Variants in GPC5 observed in about 807,000 individuals in gnomAD.
GPC5 encodes the protein glypican-5.
GPC5 carries 47 observed loss-of-function variants against 53.9 expected under a neutral mutation model. The ratio of observed to expected loss-of-function variants is 0.87; its 90% confidence interval spans 0.69 to 1.11. The LOEUF (loss-of-function observed/expected upper bound fraction) is 1.11. GPC5 is among the 50% of genes most tolerant of loss of function. The pLI is 0.00. For synonymous variants in GPC5, 286 were observed against 263.3 expected (o/e 1.09, Z -0.84); for missense variants, 748 against 713.1 (o/e 1.05, Z -0.56).
intron 2 of GPC5, among the ~76,000 whole-genome samples, chr13:91,500,527 A>G (rs1190644042): frequency 6.6e-6 from 1 of 152,206 alleles, no homozygotes; most frequent in Non-Finnish European, 1.5e-5. Flanking sequence ...TCATTTGGCC[A>G]TGCATACACT....
chr13:91,821,303 T>C (rs530970899), intron 5 of GPC5, among the ~76,000 whole-genome samples: 1 of 152,352 alleles, frequency 6.6e-6, no homozygotes, highest in South Asian at 2.1e-4. Context: ...TGCAATTTAA[T>C]ACATATGTCA....
chr13:92,704,896 T>TATA (rs5805757), intron 7 of GPC5, among the ~76,000 whole-genome samples: 352 of 151,020 alleles, frequency 2.3e-3, no homozygotes, highest in African/African-American at 8.2e-3. Flanking sequence ...TGTATATATA[T>TATA]GAGTATATAT....
intron 7 of GPC5, among the ~76,000 whole-genome samples, chr13:92,480,449 A>G (rs1186865792): frequency 2.6e-5 from 4 of 152,196 alleles, no homozygotes; most frequent in African/African-American, 9.6e-5. Context: ...TGTGGCTCCA[A>G]GAAAAAGAAA....
intron 7 of GPC5, among the ~76,000 whole-genome samples, chr13:92,469,086 G>T (rs1878809467): frequency 6.6e-6 from 1 of 152,074 alleles, no homozygotes; most frequent in South Asian, 2.1e-4. Flanking sequence ...GGGTGCATAG[G>T]ACAGGTCAAG....
intron 6 of GPC5, among the ~76,000 whole-genome samples, chr13:92,093,357 T>C (rs1474695111): frequency 6.6e-6 from 1 of 152,170 alleles, no homozygotes; most frequent in Non-Finnish European, 1.5e-5. Flanking sequence ...AAGACAAATA[T>C]ACATTAAACA....
chr13:92,359,126 A>T (rs1030097788), intron 7 of GPC5, among the ~76,000 whole-genome samples: 1 of 151,794 alleles, frequency 6.6e-6, no homozygotes, highest in Non-Finnish European at 1.5e-5. Context: ...TGCTGTTAGA[A>T]GGAGCCAGAC....
intron 2 of GPC5, among the ~76,000 whole-genome samples, chr13:91,493,821 C>T (rs1884074979): frequency 6.6e-6 from 1 of 152,028 alleles, no homozygotes; most frequent in Non-Finnish European, 1.5e-5. Flanking sequence ...GGAGAATCTG[C>T]AAACGATTCT....
intron 7 of GPC5, among the ~76,000 whole-genome samples, chr13:92,735,986 T>C (rs1386095178): frequency 6.6e-6 from 1 of 151,984 alleles, no homozygotes; most frequent in Non-Finnish European, 1.5e-5. Flanking sequence ...ATACTCAATC[T>C]TCCCCACCAC....
At chr13:91,597,900 T>C (rs1033047661) in intron 2 of GPC5, among the ~76,000 whole-genome samples, 4 of 138,492 alleles carry the variant, frequency 2.9e-5, no homozygotes, top group Admixed American at 1.6e-4. Context: ...TTTTCAAGCA[T>C]GGAATGTTTT....
At chr13:91,873,619 T>A (rs891527913) in intron 5 of GPC5, among the ~76,000 whole-genome samples, 11 of 152,276 alleles carry the variant, frequency 7.2e-5, no homozygotes, top group Middle Eastern at 6.8e-3. Context: ...TCCCCAGCCA[T>A]GTGGAACTGT....
At chr13:92,683,870 A>C (rs1887176897) in intron 7 of GPC5, among the ~76,000 whole-genome samples, 1 of 152,168 alleles carries the variant, frequency 6.6e-6, no homozygotes, top group Admixed American at 6.5e-5. Context: ...TAACATTAGT[A>C]TGTTACATTT....
At chr13:92,026,226 A>T (rs1236693237) in intron 6 of GPC5, among the ~76,000 whole-genome samples, 1 of 152,092 alleles carries the variant, frequency 6.6e-6, no homozygotes, top group Non-Finnish European at 1.5e-5. Context: ...TATTTTATTC[A>T]TAACATATGC....
At chr13:91,497,580 C>T (rs12862240) in intron 2 of GPC5, among the ~76,000 whole-genome samples, 2,127 of 152,196 alleles carry the variant, frequency 0.014, 39 homozygotes, top group African/African-American at 0.047. Flanking sequence ...ACAAATTAGT[C>T]TATAGAAATT....
chr13:92,564,006 G>A (rs992970150), intron 7 of GPC5, among the ~76,000 whole-genome samples: 1 of 151,790 alleles, frequency 6.6e-6, no homozygotes, highest in Non-Finnish European at 1.5e-5. Context: ...TTTAGAAAAA[G>A]AGGAATTATG....
At chr13:92,663,612 A>C (rs1168377854) in intron 7 of GPC5, among the ~76,000 whole-genome samples, 5 of 84,226 alleles carry the variant, frequency 5.9e-5, no homozygotes, top group Admixed American at 4.6e-4. Context: ...ATATATATAT[A>C]TCTACTATAT....
intron 7 of GPC5, among the ~76,000 whole-genome samples, chr13:92,147,796 A>T (rs1305683124): frequency 6.6e-6 from 1 of 152,086 alleles, no homozygotes; most frequent in Non-Finnish European, 1.5e-5. Context: ...AATTTTTAAT[A>T]AGTGGTTAGA....
chr13:91,640,587 G>A (rs1322887851), intron 2 of GPC5, among the ~76,000 whole-genome samples: 1 of 152,056 alleles, frequency 6.6e-6, no homozygotes, highest in African/African-American at 2.4e-5. Flanking sequence ...TCAAAGATCT[G>A]GAACCAGAAA....
At chr13:91,856,768 TTC>T (rs1212720009) in intron 5 of GPC5, among the ~76,000 whole-genome samples, 1 of 151,440 alleles carries the variant, frequency 6.6e-6, no homozygotes, top group African/African-American at 2.4e-5. Context: ...ATATCATTAT[TTC>T]TTTTTCATTT....
At chr13:91,536,914 A>G (rs1331375294) in intron 2 of GPC5, among the ~76,000 whole-genome samples, 1 of 152,222 alleles carries the variant, frequency 6.6e-6, no homozygotes, top group African/African-American at 2.4e-5. Flanking sequence ...GGACAATCAT[A>G]TGTCCATGTA....
Sources: gnomAD v4.1 joint callset for allele counts (sites outside exome capture counted in the v4.1 genomes callset) on GRCh38, gnomAD v4.1.1 for gene constraint, MANE v1.5 for transcripts, NCBI Gene and HGNC (gene_info 2026-07-23, HGNC 2026-07-21) for gene names.